GALNTL6: variants seen among roughly 807,000 people sequenced by gnomAD.
The protein encoded by GALNTL6 is polypeptide N-acetylgalactosaminyltransferase-like 6.
A neutral mutation model predicts 73.7 loss-of-function variants in GALNTL6; 46 were observed. The ratio of observed to expected loss-of-function variants is 0.62; its 90% confidence interval spans 0.49 to 0.80. The LOEUF (loss-of-function observed/expected upper bound fraction) is 0.80. Among genes scored for constraint, GALNTL6 ranks in the 30% least tolerant of loss-of-function variants. The pLI is 0.00. For synonymous variants in GALNTL6, 259 were observed against 263.7 expected, an observed-to-expected ratio of 0.98 and a Z score of 0.17; for missense variants, 604 against 755.0, an observed-to-expected ratio of 0.80 and a Z score of 2.34.
intron 3 of GALNTL6, among the ~76,000 whole-genome samples, chr4:172,262,358 C>CT (rs369180229): frequency 0.01 from 1,522 of 151,182 alleles, 23 homozygotes; most frequent in African/African-American, 0.034. Context: ...ATTTGAATTA[C>CT]TTTTTTTTAT....
chr4:172,552,436 C>A (rs1735988283), intron 5 of GALNTL6, among the ~76,000 whole-genome samples: 1 of 151,992 alleles, frequency 6.6e-6, no homozygotes, highest in Non-Finnish European at 1.5e-5. Context: ...CTAGAAATAT[C>A]ATTCTTTAAA....
chr4:172,921,189 A>T (rs764197171), intron 8 of GALNTL6, among the ~76,000 whole-genome samples: 14 of 152,226 alleles, frequency 9.2e-5, no homozygotes, highest in Non-Finnish European at 1.9e-4. Context: ...AGGAAATAAG[A>T]TTAGAGAGAT....
At chr4:172,115,565 T>C (rs1214313142) in intron 2 of GALNTL6, among the ~76,000 whole-genome samples, 1 of 152,256 alleles carries the variant, frequency 6.6e-6, no homozygotes, top group African/African-American at 2.4e-5. Flanking sequence ...TAATGATGTA[T>C]GTAAATAGAA....
chr4:171,820,333 A>G (rs1349896217), intron 2 of GALNTL6, among the ~76,000 whole-genome samples: 1 of 152,172 alleles, frequency 6.6e-6, no homozygotes, highest in Non-Finnish European at 1.5e-5. Context: ...AAAGCACATC[A>G]ATGTTTCCAC....
At chr4:172,992,650 G>C (rs1413706483) in intron 10 of GALNTL6, among the ~76,000 whole-genome samples, 2 of 152,148 alleles carry the variant, frequency 1.3e-5, no homozygotes, top group African/African-American at 2.4e-5. Context: ...TTTTTAAACA[G>C]TCTGGGTAGC....
chr4:172,734,996 G>T (rs1483444584), intron 5 of GALNTL6, among the ~76,000 whole-genome samples: 1 of 152,222 alleles, frequency 6.6e-6, no homozygotes, highest in African/African-American at 2.4e-5. Flanking sequence ...CTGCAGGGTT[G>T]TAGCCCTTAT....
intron 2 of GALNTL6, among the ~76,000 whole-genome samples, chr4:172,171,993 G>GCCAGTATGT (rs1370436355): frequency 6.6e-6 from 1 of 152,170 alleles, no homozygotes; most frequent in Non-Finnish European, 1.5e-5. Context: ...TCTCAAAGCA[G>GCCAGTATGT]CCAGTATGTC....
At chr4:172,958,747 A>G (rs1438092938) in intron 10 of GALNTL6, among the ~76,000 whole-genome samples, 1 of 152,232 alleles carries the variant, frequency 6.6e-6, no homozygotes, top group African/African-American at 2.4e-5. Flanking sequence ...GAGGCAGTAC[A>G]GCCCAGGTAA....
intron 3 of GALNTL6, among the ~76,000 whole-genome samples, chr4:172,254,620 G>A (rs1301974118): frequency 1.3e-5 from 2 of 151,690 alleles, no homozygotes; most frequent in Admixed American, 6.6e-5. Context: ...GTATAGAACA[G>A]GAGAATAATA....
chr4:171,962,960 G>T (rs925780304), intron 2 of GALNTL6, among the ~76,000 whole-genome samples: 4 of 151,410 alleles, frequency 2.6e-5, no homozygotes. Flanking sequence ...TAGAGACGGG[G>T]TTTCACTATG....
At chr4:172,949,950 A>G (rs933968299) in intron 9 of GALNTL6, among the ~76,000 whole-genome samples, 4 of 152,050 alleles carry the variant, frequency 2.6e-5, no homozygotes, top group African/African-American at 7.2e-5. Context: ...AAAAGAAAAA[A>G]GAAAGAAAGA....
At chr4:172,359,790 A>G (rs1742299548) in intron 5 of GALNTL6, among the ~76,000 whole-genome samples, 1 of 152,164 alleles carries the variant, frequency 6.6e-6, no homozygotes, top group African/African-American at 2.4e-5. Flanking sequence ...CAGCCTATCC[A>G]TCTACCCACT....
At chr4:171,871,516 C>T (rs1736137496) in intron 2 of GALNTL6, among the ~76,000 whole-genome samples, 1 of 151,998 alleles carries the variant, frequency 6.6e-6, no homozygotes, top group African/African-American at 2.4e-5. Flanking sequence ...CTAGAAAATG[C>T]CTTTCACTCC....
chr4:172,733,501 C>G (rs1311084144), intron 5 of GALNTL6, among the ~76,000 whole-genome samples: 1 of 151,920 alleles, frequency 6.6e-6, no homozygotes, highest in Admixed American at 6.6e-5. Flanking sequence ...GTGTCCCTGC[C>G]CAAATCTCGT....
chr4:171,868,437 C>T (rs1368611803), intron 2 of GALNTL6, among the ~76,000 whole-genome samples: 6 of 152,162 alleles, frequency 3.9e-5, no homozygotes, highest in African/African-American at 7.2e-5. Context: ...CTGTGGATGA[C>T]GGCAAAGTCG....
chr4:171,873,871 A>C (rs1406474209), intron 2 of GALNTL6, among the ~76,000 whole-genome samples: 1 of 152,118 alleles, frequency 6.6e-6, no homozygotes, highest in Non-Finnish European at 1.5e-5. Context: ...GTGGAGTTGA[A>C]GGAGGGACAT....
intron 10 of GALNTL6, among the ~76,000 whole-genome samples, chr4:172,959,598 A>G (rs1422644711): frequency 1.3e-5 from 2 of 151,696 alleles, no homozygotes; most frequent in African/African-American, 4.8e-5. Context: ...TTGATGGTCT[A>G]GGGGGCTTCT....
At chr4:172,875,547 G>A (rs1745150661) in intron 7 of GALNTL6, among the ~76,000 whole-genome samples, 1 of 152,124 alleles carries the variant, frequency 6.6e-6, no homozygotes. Flanking sequence ...GAGACAAGAT[G>A]TGTTCTGCCA....
intron 4 of GALNTL6, among the ~76,000 whole-genome samples, chr4:172,331,247 T>G (rs867907903): frequency 1.3e-5 from 2 of 150,234 alleles, no homozygotes; most frequent in East Asian, 3.9e-4. Flanking sequence ...TACAAAATGT[T>G]CAACATCTTG....
Sources: gnomAD v4.1 joint callset for allele counts (sites outside exome capture counted in the v4.1 genomes callset) on GRCh38, gnomAD v4.1.1 for gene constraint, MANE v1.5 for transcripts, NCBI Gene and HGNC (gene_info 2026-07-23, HGNC 2026-07-21) for gene names.